SLCO1B3: variants seen among roughly 807,000 people sequenced by gnomAD.
SLCO1B3 encodes the protein solute carrier organic anion transporter family member 1B3, also known as liver-specific organic anion transporter 2.
SLCO1B3 carries 72 observed loss-of-function variants against 71.8 expected under a neutral mutation model. The observed-to-expected ratio is 1.00, with a 90% CI of 0.83 to 1.22. The LOEUF (loss-of-function observed/expected upper bound fraction) is 1.22, where lower values mean the gene tolerates loss of function less well. Among genes scored for constraint, SLCO1B3 ranks in the 50% most tolerant of loss-of-function variants. The probability of loss-of-function intolerance (pLI) is 0.00; values close to 1 mark genes in which losing one functional copy is unlikely to be tolerated. For synonymous variants in SLCO1B3, 298 were observed against 278.4 expected, an observed-to-expected ratio of 1.07 and a Z score of -0.70; for missense variants, 911 against 819.7, an observed-to-expected ratio of 1.11 and a Z score of -1.36.
intron 3 of SLCO1B3, among the ~76,000 whole-genome samples, chr12:20,850,067 A>G (rs1309129204): frequency 6.7e-6 from 1 of 148,720 alleles, no homozygotes; most frequent in Non-Finnish European, 1.5e-5. Context: ...ACATGGAAAA[A>G]TCCATACTGA....
chr12:20,848,040 G>A (rs6487156), intron 3 of SLCO1B3, among the ~76,000 whole-genome samples: 110,062 of 151,940 alleles, frequency 0.72, 42,442 homozygotes, highest in South Asian at 0.9. Context: ...CTGTCCCATA[G>A]GATTAATAAC....
chr12:20,859,582 T>C (rs1327439249), intron 5 of SLCO1B3, among the ~76,000 whole-genome samples: 1 of 151,866 alleles, frequency 6.6e-6, no homozygotes, highest in Non-Finnish European at 1.5e-5. Context: ...CATTTTTCTA[T>C]TTTTGTGGCT....
chr12:20,858,475 G>T lies in SLCO1B3; in HGVS notation c.263G>T (p.Gly88Val), dbSNP rs1202126191. ...GTGATTGTATTTGTAAGTTACTTTG[G>T]ATCTAAACTACACAGACCGAAGTTA... is the stretch of plus-strand genomic sequence containing the variant. ...LLVIVFVSYFGSKLHRPKLIG... is the reference protein window; with the variant it reads ...LLVIVFVSYFVSKLHRPKLIG... The change falls in exon 5 of 16, where the codon GGA becomes GTA. Residue 88 changes from glycine to valine, a missense_variant. Physicochemically the swap from Gly to Val is moderately radical, Grantham distance 109. Transcript: ENST00000381545. 8 of 1,595,182 alleles carry T rather than the reference G, an allele frequency of 5.0e-6. No individual in the cohort carries two copies. The Admixed American group carries it at 1.3e-4, about 27-fold the overall frequency.
At chr12:20,833,404 G>C (rs1228138363) in intron 3 of SLCO1B3, among the ~76,000 whole-genome samples, 1 of 149,648 alleles carries the variant, frequency 6.7e-6, no homozygotes. Flanking sequence ...TATATATGAA[G>C]AATACATATA....
intron 3 of SLCO1B3, among the ~76,000 whole-genome samples, chr12:20,828,273 A>T (rs1470449633): frequency 6.7e-6 from 1 of 149,444 alleles, no homozygotes; most frequent in Non-Finnish European, 1.5e-5. Context: ...AACACCCATG[A>T]ATAGCACCTG....
chr12:20,814,612 T>C (rs143939336), intron 2 of SLCO1B3, among the ~76,000 whole-genome samples: 2,968 of 152,246 alleles, frequency 0.019, 51 homozygotes, highest in Middle Eastern at 0.065. Context: ...ATATTAAGGC[T>C]GGGCGCGGTG....
chr12:20,880,795 C>A, intron 11 of SLCO1B3, 60 bp from the exon 12 acceptor site: 1 of 1,217,350 alleles, frequency 8.2e-7, no homozygotes, highest in Non-Finnish European at 1.1e-6. Context: ...TCTCCCTCTT[C>A]TGCTCTTTCT....
At chr12:20,813,499 A>G (rs908079106) in intron 1 of SLCO1B3, 25 bp from the exon 2 acceptor site, 1 of 152,168 alleles carries the variant, frequency 6.6e-6, no homozygotes, top group Non-Finnish European at 1.5e-5. Context: ...TTCACAGTGC[A>G]TTTATCGCCA....
chr12:20,816,436 A>G (rs1864195365), intron 3 of SLCO1B3, among the ~76,000 whole-genome samples: 1 of 152,156 alleles, frequency 6.6e-6, no homozygotes, highest in South Asian at 2.1e-4. Flanking sequence ...AGATCCCACA[A>G]ATAACTGAGA....
At chr12:20,816,619 T>C (rs1056670125) in intron 3 of SLCO1B3, among the ~76,000 whole-genome samples, 6 of 152,218 alleles carry the variant, frequency 3.9e-5, no homozygotes, top group Non-Finnish European at 5.9e-5. Flanking sequence ...CTTACATTGC[T>C]TCCATATCTT....
At chr12:20,837,820 A>G (rs1704223070) in intron 3 of SLCO1B3, among the ~76,000 whole-genome samples, 1 of 152,166 alleles carries the variant, frequency 6.6e-6, no homozygotes, top group Non-Finnish European at 1.5e-5. Flanking sequence ...GTAAAGTAAT[A>G]TATAGATGTT....
At chr12:20,844,593 A>G (rs1009560848) in intron 3 of SLCO1B3, among the ~76,000 whole-genome samples, 3 of 152,026 alleles carry the variant, frequency 2.0e-5, no homozygotes, top group African/African-American at 7.2e-5. Flanking sequence ...TCCATCTTGC[A>G]TTAATTGATA....
At chr12:20,813,192 A>G (rs1157715103) in intron 1 of SLCO1B3, among the ~76,000 whole-genome samples, 2 of 152,230 alleles carry the variant, frequency 1.3e-5, no homozygotes, top group East Asian at 3.8e-4. Flanking sequence ...TATCCACTAA[A>G]TATGCATGAT....
intron 8 of SLCO1B3, among the ~76,000 whole-genome samples, chr12:20,864,350 A>G (rs1029644802): frequency 6.6e-6 from 1 of 152,104 alleles, no homozygotes; most frequent in African/African-American, 2.4e-5. Flanking sequence ...CTGTGTTAGC[A>G]TATAATAACT....
intron 3 of SLCO1B3, among the ~76,000 whole-genome samples, chr12:20,839,189 GTTAT>G (rs1270508265): frequency 1.3e-5 from 2 of 151,524 alleles, no homozygotes; most frequent in African/African-American, 2.4e-5. Flanking sequence ...TTGAATAACT[GTTAT>G]TTCTTAGATC....
intron 14 of SLCO1B3, among the ~76,000 whole-genome samples, chr12:20,898,840 G>A (rs1866072276): frequency 6.6e-6 from 1 of 152,142 alleles, no homozygotes; most frequent in Admixed American, 6.5e-5. Context: ...CAGAGTGGAG[G>A]ACCTTCCTTC....
chr12:20,834,291 T>C (rs1864622832), intron 3 of SLCO1B3, among the ~76,000 whole-genome samples: 1 of 145,240 alleles, frequency 6.9e-6, no homozygotes, highest in South Asian at 2.2e-4. Context: ...GGAGAATATA[T>C]ATATATAATT....
rs149944473 is a variant in SLCO1B3, at chr12:20,815,807, C to T, written c.69C>T (p.Arg23=). The change falls in exon 3 of 16, where the codon CGC becomes CGT. Residue 23 remains arginine, a synonymous_variant. Coordinates refer to ENST00000381545, the MANE Select transcript of SLCO1B3 (RefSeq NM_019844.4). ...CTTCAGAGAAAAAGAAAACAAGACGCTGCAATGGATTCAAGGTAGAATGGG... is the reference window on the plus strand; with the variant it reads ...CTTCAGAGAAAAAGAAAACAAGACGTTGCAATGGATTCAAGGTAGAATGGG... ...SASSEKKKTR[R]CNGFKMFLAA... 1,110 of 1,591,432 alleles carry T rather than the reference C, an allele frequency of 7.0e-4. 9 individuals carry two copies. The African/African-American group carries it at 0.013, about 19-fold the overall frequency.
At chr12:20,860,235 G>A (rs894500397) in intron 5 of SLCO1B3, among the ~76,000 whole-genome samples, 31 of 152,242 alleles carry the variant, frequency 2.0e-4, no homozygotes, top group East Asian at 7.7e-4. Flanking sequence ...GATTACAGGC[G>A]TGAGCCACCG....
Sources: allele counts gnomAD v4.1 joint callset (sites outside exome capture counted in the v4.1 genomes callset), GRCh38; gene constraint gnomAD v4.1.1; transcripts MANE v1.5; gene names NCBI Gene and HGNC (gene_info 2026-07-23, HGNC 2026-07-21).